The following USH2A variants were observed in gnomAD, a reference collection of about 807,000 sequenced individuals.
The protein encoded by USH2A is usherin.
A neutral mutation model predicts 538.9 loss-of-function variants in USH2A; 443 were observed. The ratio of observed to expected loss-of-function variants is 0.82; its 90% CI spans 0.76 to 0.89. USH2A has a LOEUF of 0.89. USH2A is among the 40% of genes least tolerant of loss of function. The pLI, the probability that USH2A is intolerant of heterozygous loss-of-function variation, is 0.00. For missense variants in USH2A, 6,633 were observed against 6,324.8 expected, an observed-to-expected ratio of 1.05 and a Z score of -1.65; for synonymous variants, 2,413 against 2,273.5, an observed-to-expected ratio of 1.06 and a Z score of -1.75.
intron 38 of USH2A, among the ~76,000 whole-genome samples, chr1:215,907,736 T>C (rs1665676487): frequency 6.6e-6 from 1 of 152,030 alleles, no homozygotes; most frequent in Non-Finnish European, 1.5e-5. Context: ...TACATAGTCT[T>C]AAAGGACTGT....
At chr1:216,166,430 C>T (rs1018744248) in intron 21 of USH2A, among the ~76,000 whole-genome samples, 6 of 152,016 alleles carry the variant, frequency 3.9e-5, no homozygotes, top group Admixed American at 3.3e-4. Flanking sequence ...TTGTGAAGGG[C>T]ATCTCTCGCT....
intron 11 of USH2A, 115 bp from the exon 12 acceptor site, chr1:216,251,213 G>A: frequency 9.7e-7 from 1 of 1,027,902 alleles, no homozygotes; most frequent in African/African-American, 1.6e-5. Context: ...CAACAGACAA[G>A]AAGGTAATAA....
intron 37 of USH2A, among the ~76,000 whole-genome samples, chr1:215,942,592 G>A (rs1666661552): frequency 6.6e-6 from 1 of 152,000 alleles, no homozygotes. Flanking sequence ...CTGACAGAAT[G>A]GAAACAAACT....
At chr1:216,126,234 T>C (rs1269574791) in intron 21 of USH2A, among the ~76,000 whole-genome samples, 1 of 151,406 alleles carries the variant, frequency 6.6e-6, no homozygotes, top group Non-Finnish European at 1.5e-5. Context: ...TTTGTTTTTG[T>C]TTTTTTTGAG....
chr1:216,418,446 T>A, intron 3 of USH2A, 68 bp downstream of exon 3: 1 of 1,582,568 alleles, frequency 6.3e-7, no homozygotes, highest in African/African-American at 1.3e-5. Context: ...TAGATGCCAT[T>A]TAAAAGAGAG....
chr1:215,677,065 C>T (rs1040357619), intron 62 of USH2A, among the ~76,000 whole-genome samples: 8 of 152,150 alleles, frequency 5.3e-5, no homozygotes, highest in African/African-American at 9.7e-5. Flanking sequence ...CCTCCCTCAC[C>T]GTTGATTGAT....
chr1:216,086,055 T>C (rs915760784), intron 24 of USH2A, among the ~76,000 whole-genome samples: 1 of 152,126 alleles, frequency 6.6e-6, no homozygotes, highest in Non-Finnish European at 1.5e-5. Context: ...GAAACAATCC[T>C]AGAATATTAG....
chr1:215,819,790 A>C (rs555067803), intron 47 of USH2A, among the ~76,000 whole-genome samples: 1 of 151,940 alleles, frequency 6.6e-6, no homozygotes, highest in East Asian at 1.9e-4. Context: ...CGGCAAGAAC[A>C]TGAACAGTTT....
chr1:215,657,994 C>T (rs1013610739), intron 64 of USH2A, among the ~76,000 whole-genome samples: 51 of 145,832 alleles, frequency 3.5e-4, no homozygotes, highest in Non-Finnish European at 6.1e-4. Flanking sequence ...AGTGCAGTGG[C>T]GTGATCTCGG....
chr1:216,216,687 T>C (rs2035348634), intron 15 of USH2A, among the ~76,000 whole-genome samples: 1 of 152,058 alleles, frequency 6.6e-6, no homozygotes. Context: ...TGTTATGAAA[T>C]TGTAGAACTG....
chr1:216,165,808 GT>G (rs11453631), intron 21 of USH2A, among the ~76,000 whole-genome samples: 5,325 of 145,688 alleles, frequency 0.037, 289 homozygotes, highest in African/African-American at 0.13. Flanking sequence ...CAAACAACCA[GT>G]TTTTTTTTTT....
At position 216,403,993 on chromosome 1, in the gene USH2A, T is replaced by C. The variant is rs190722088; in HGVS notation, c.651+14521A>G. On this transcript the variant is annotated intron_variant, in intron 3 of 71. Coordinates refer to ENST00000307340, the MANE Select transcript of USH2A (RefSeq NM_206933.4). ...GCTTTCCCTTCACCTTCCACCATGATTGTAAGTTTCCTGAGGCCTCCCCAG... is the reference window on the plus strand; with the variant it reads ...GCTTTCCCTTCACCTTCCACCATGACTGTAAGTTTCCTGAGGCCTCCCCAG... Among the ~76,000 whole-genome samples, 344 of 152,298 alleles carry C rather than the reference T, an allele frequency of 2.3e-3. 1 individual carries two copies. In the Middle Eastern group the frequency reaches 0.041, roughly 18 times the overall value.
At chr1:215,655,000 T>C (rs139530176) in intron 64 of USH2A, among the ~76,000 whole-genome samples, 198 of 152,370 alleles carry the variant, frequency 1.3e-3, no homozygotes, top group African/African-American at 4.6e-3. Context: ...TGTTCTCTCT[T>C]GAAAATTGCC....
At chr1:215,731,404 C>T (rs1659991741) in intron 60 of USH2A, among the ~76,000 whole-genome samples, 2 of 152,112 alleles carry the variant, frequency 1.3e-5, no homozygotes, top group South Asian at 4.1e-4. Flanking sequence ...CACAATTATT[C>T]CTAATTATTT....
intron 49 of USH2A, among the ~76,000 whole-genome samples, chr1:215,809,239 G>A (rs1210223030): frequency 1.3e-5 from 2 of 152,158 alleles, no homozygotes; most frequent in Non-Finnish European, 2.9e-5. Flanking sequence ...TTAAGATAAT[G>A]TATCCCATGG....
chr1:216,104,666 T>G (rs1427543625), intron 21 of USH2A, among the ~76,000 whole-genome samples: 1 of 150,932 alleles, frequency 6.6e-6, no homozygotes, highest in Non-Finnish European at 1.5e-5. Context: ...ATACAAAAAT[T>G]AATTCAAGAT....
intron 41 of USH2A, among the ~76,000 whole-genome samples, chr1:215,880,116 T>C (rs1214242440): frequency 6.6e-6 from 1 of 152,190 alleles, no homozygotes; most frequent in Admixed American, 6.5e-5. Context: ...CATACAGTTA[T>C]TTTGAAACTT....
chr1:215,872,448 A>G (rs1664647979), intron 43 of USH2A, among the ~76,000 whole-genome samples: 1 of 152,174 alleles, frequency 6.6e-6, no homozygotes, highest in Non-Finnish European at 1.5e-5. Context: ...GTTGCTATCT[A>G]TATCTACACT....
intron 37 of USH2A, among the ~76,000 whole-genome samples, chr1:215,942,887 A>G (rs890081883): frequency 2.0e-5 from 3 of 152,156 alleles, no homozygotes; most frequent in Admixed American, 1.3e-4. Flanking sequence ...GAGTTGGGGG[A>G]AAAAGCTGGT....
Sources: gnomAD v4.1 joint callset for allele counts (sites outside exome capture counted in the v4.1 genomes callset) on GRCh38, gnomAD v4.1.1 for gene constraint, MANE v1.5 for transcripts, NCBI Gene and HGNC (gene_info 2026-07-23, HGNC 2026-07-21) for gene names.